The following DPYD variants were observed in gnomAD, a reference collection of about 807,000 sequenced individuals.
DPYD encodes the protein dihydropyrimidine dehydrogenase [NADP(+)].
In DPYD, 109 loss-of-function variants were observed where a neutral mutation model predicts 116.2. The ratio of observed to expected loss-of-function variants is 0.94; its 90% CI spans 0.80 to 1.10. DPYD has a LOEUF of 1.10. Among genes scored for constraint, DPYD ranks in the 50% least tolerant of loss-of-function variants. The probability of loss-of-function intolerance (pLI) is 0.00; values close to 1 mark genes in which losing one functional copy is unlikely to be tolerated. For synonymous variants in DPYD, 440 were observed against 432.0 expected (o/e 1.02, Z -0.23); for missense variants, 1,302 against 1,254.5 (o/e 1.04, Z -0.57).
rs1204502711 is a variant in DPYD, at chr1:97,301,903, G to T, written c.2299+3356C>A. ...TAAGATGCCCTCATTATTTGGGAAT[G>T]AAGTCAGAAAAAAAGGTCAAAATTT... On this transcript the variant is annotated intron_variant, in intron 18 of 22. Coordinates refer to ENST00000370192, the MANE Select transcript of DPYD (RefSeq NM_000110.4). Among the ~76,000 whole-genome samples, 3 of 140,692 alleles carry T rather than the reference G, an allele frequency of 2.1e-5. No homozygotes were observed. In the East Asian group the frequency reaches 6.5e-4, roughly 30 times the overall value. 92.3% of individuals were successfully genotyped at this position (140,692 alleles called of 152,430 possible). A position where few individuals can be genotyped will look rare whatever the true frequency, so the allele number is the denominator to read the frequency against.
At chr1:97,646,516 T>C (rs1658269862) in intron 8 of DPYD, among the ~76,000 whole-genome samples, 1 of 152,132 alleles carries the variant, frequency 6.6e-6, no homozygotes, top group Non-Finnish European at 1.5e-5. Flanking sequence ...TTATGCTTTA[T>C]GGTTTTCAAA....
chr1:97,377,505 T>C (rs1557668911), intron 15 of DPYD, among the ~76,000 whole-genome samples: 1 of 152,282 alleles, frequency 6.6e-6, no homozygotes, highest in East Asian at 1.9e-4. Context: ...TGGTCCTACA[T>C]TGTCTATACC....
chr1:97,807,621 G>A (rs1668136177), intron 3 of DPYD, among the ~76,000 whole-genome samples: 1 of 152,024 alleles, frequency 6.6e-6, no homozygotes, highest in Non-Finnish European at 1.5e-5. Context: ...GTCTTTTGCA[G>A]AGCAGAAGTA....
In DPYD at chr1:97,426,101, C is replaced by T. The variant is rs375776442; in HGVS notation, c.1905+23958G>A. The stretch of plus-strand genomic sequence containing the variant: ...GACATTAGTGTTCATTAAATATAGG[C>T]TGGAAAAGGAGGGTAGCAGAATCAG... On this transcript the variant is annotated intron_variant, in intron 14 of 22. Transcript: ENST00000370192. Among the ~76,000 whole-genome samples the T allele has an allele frequency of 5.3e-4, 81 of 151,678 alleles. 3 individuals are homozygous for T. The South Asian group carries it at 0.017, about 31-fold the overall frequency.
intron 1 of DPYD, among the ~76,000 whole-genome samples, chr1:97,899,101 GTT>G (rs200811669): frequency 1.4e-5 from 2 of 144,168 alleles, no homozygotes; most frequent in African/African-American, 5.1e-5. Context: ...GTTTTGTTTT[GTT>G]TTTTTTTTTA....
At chr1:97,439,110 AT>A (rs776271229) in intron 14 of DPYD, among the ~76,000 whole-genome samples, 17 of 151,340 alleles carry the variant, frequency 1.1e-4, no homozygotes, top group South Asian at 2.1e-4. Context: ...ATTTCTTCAA[AT>A]TTTTTTTTCT....
At chr1:97,902,070 GA>G (rs1558042388) in intron 1 of DPYD, among the ~76,000 whole-genome samples, 1 of 151,718 alleles carries the variant, frequency 6.6e-6, no homozygotes, top group Admixed American at 6.6e-5. Context: ...TGAGTATGAT[GA>G]CTGGCTATTA....
intron 19 of DPYD, among the ~76,000 whole-genome samples, chr1:97,212,581 A>C (rs1455654712): frequency 6.6e-6 from 1 of 152,062 alleles, no homozygotes; most frequent in Non-Finnish European, 1.5e-5. Context: ...TCTGAGATAG[A>C]TGATGTGGAG....
At chr1:97,536,618 C>T (rs1220663248) in intron 12 of DPYD, among the ~76,000 whole-genome samples, 2 of 152,178 alleles carry the variant, frequency 1.3e-5, no homozygotes, top group African/African-American at 4.8e-5. Context: ...AACACTGCAG[C>T]TGGCTGTCAA....
rs74106682 is a variant in DPYD, at chr1:97,115,427, C to T, written c.2623-16795G>A. On this transcript the variant is annotated intron_variant, in intron 20 of 22. Transcript: ENST00000370192. ...TTGGTATTTACTCCTGAAAATCCTA[C>T]GTGGCCATTTCAAAGAGAAGCACGT... Among the ~76,000 whole-genome samples the T allele has an allele frequency of 2.7e-3, 415 of 152,204 alleles. 1 individual carries two copies. The highest frequency in any genetic ancestry group is 9.3e-3 in the African/African-American group (385 of 41,524).
chr1:97,737,968 A>C (rs1372912804), intron 4 of DPYD, among the ~76,000 whole-genome samples: 5 of 152,174 alleles, frequency 3.3e-5, no homozygotes, highest in Non-Finnish European at 5.9e-5. Context: ...TGTAACACAT[A>C]GTATACATTT....
intron 3 of DPYD, among the ~76,000 whole-genome samples, chr1:97,786,449 T>C (rs1667036975): frequency 6.6e-6 from 1 of 152,226 alleles, no homozygotes; most frequent in Admixed American, 6.5e-5. Context: ...ATGTGCTTAG[T>C]CCACTCTGAA....
chr1:97,502,298 T>A (rs549423764), intron 13 of DPYD, among the ~76,000 whole-genome samples: 1 of 152,186 alleles, frequency 6.6e-6, no homozygotes, highest in East Asian at 1.9e-4. Context: ...ATCTAAACTT[T>A]GCCATTAGCA....
intron 16 of DPYD, among the ~76,000 whole-genome samples, chr1:97,329,179 C>T (rs1260890758): frequency 3.3e-5 from 5 of 152,012 alleles, no homozygotes; most frequent in Admixed American, 2.0e-4. Context: ...TAGAAATGAG[C>T]ATTACAAAAA....
At chr1:97,667,300 T>C (rs909758849) in intron 8 of DPYD, among the ~76,000 whole-genome samples, 9 of 152,276 alleles carry the variant, frequency 5.9e-5, no homozygotes, top group African/African-American at 2.2e-4. Flanking sequence ...TCTTCATCCC[T>C]TTGGCATATA....
intron 8 of DPYD, among the ~76,000 whole-genome samples, chr1:97,611,650 C>T (rs185797211): frequency 1.2e-4 from 18 of 151,964 alleles, no homozygotes; most frequent in East Asian, 1.9e-4. Context: ...CAATGCATCA[C>T]GTACTGTGCT....
chr1:97,233,736 C>T (rs543245504), intron 19 of DPYD, among the ~76,000 whole-genome samples: 3 of 152,210 alleles, frequency 2.0e-5, no homozygotes, highest in African/African-American at 7.2e-5. Flanking sequence ...AGGAAACTCA[C>T]CACTGTGTTG....
At chr1:97,837,507 G>A (rs976202168) in intron 2 of DPYD, among the ~76,000 whole-genome samples, 1 of 152,086 alleles carries the variant, frequency 6.6e-6, no homozygotes, top group African/African-American at 2.4e-5. Context: ...CTCTGATTGT[G>A]TGCATAAATC....
At chr1:97,206,323 T>A (rs950228359) in intron 19 of DPYD, among the ~76,000 whole-genome samples, 1 of 152,084 alleles carries the variant, frequency 6.6e-6, no homozygotes, top group African/African-American at 2.4e-5. Flanking sequence ...GATTACAGCA[T>A]TTTGAAATTT....
Sources: gnomAD v4.1 joint callset for allele counts (sites outside exome capture counted in the v4.1 genomes callset) on GRCh38, gnomAD v4.1.1 for gene constraint, MANE v1.5 for transcripts, NCBI Gene and HGNC (gene_info 2026-07-23, HGNC 2026-07-21) for gene names.